Variants in DCC observed in about 807,000 individuals in gnomAD.
DCC encodes DCC netrin 1 receptor.
Under a neutral mutation model 172.5 loss-of-function variants are expected in DCC, and 58 were observed. The ratio of observed to expected loss-of-function variants is 0.34; its 90% CI spans 0.27 to 0.42. The LOEUF is 0.42. Among genes scored for constraint, DCC ranks in the 10% least tolerant of loss-of-function variants. DCC has a pLI of 1.00. For synonymous variants in DCC, 709 were observed against 644.5 expected (o/e 1.10, Z -1.52); for missense variants, 1,740 against 1,791.0 (o/e 0.97, Z 0.51).
At chr18:52,891,466 T>C (rs2039649537) in intron 2 of DCC, among the ~76,000 whole-genome samples, 1 of 152,116 alleles carries the variant, frequency 6.6e-6, no homozygotes, top group Non-Finnish European at 1.5e-5. Context: ...AATCACAAAG[T>C]AATGTATTTT....
rs117224655 is a variant in DCC at position 53,398,911 on chromosome 18, G to T, written c.2827+1465G>T. 2.8e-4 allele frequency among the ~76,000 whole-genome samples: 42 copies of T among 152,252 alleles called. No homozygotes were observed. In the East Asian group the frequency reaches 4.6e-3, roughly 17 times the overall value. On this transcript the variant is annotated intron_variant, in intron 18 of 28. Coordinates refer to ENST00000442544, the MANE Select transcript of DCC (RefSeq NM_005215.4). ...AGTAAGAAGTAATTCACAAGTGTCT[G>T]CAGGTTTATAACTGTGAGAAGGAAA... is the stretch of plus-strand genomic sequence containing the variant.
At position 53,450,601 on chromosome 18, in the gene DCC, G is replaced by T; in HGVS notation, c.3331G>T (p.Val1111Leu). The change falls in exon 23 of 29, where the codon GTG (valine) becomes TTG (leucine). Residue 1111 changes from valine to leucine, a missense_variant. Physicochemically the swap from Val to Leu is conservative, Grantham distance 32 (BLOSUM62 1). Around this residue, in one of 2 missense-constraint regions of DCC, gnomAD observed 1,732 missense variants for 1,767.4 expected, o/e 0.98. Transcript: ENST00000442544. ...IIVVTVGVIT[V>L]LVVVIVAVIC... ...TGTGGTCACCGTTGGTGTCATCACA[G>T]TGCTGGTAGTGGTCATCGTGGCTGT... 6.2e-7 allele frequency: 1 copy of T among 1,612,694 alleles called. No homozygotes were observed. The highest frequency in any genetic ancestry group is 8.5e-7 in the Non-Finnish European group (1 of 1,179,478).
At chr18:53,406,409 A>AAAAAAAG (rs113958073) in intron 19 of DCC, among the ~76,000 whole-genome samples, 62,965 of 149,964 alleles carry the variant, frequency 0.42, 14,887 homozygotes, top group Non-Finnish European at 0.55. Flanking sequence ...AGGTTTAAAA[A>AAAAAAAG]AAAAAGAGAA....
chr18:52,586,875 G>T (rs2033686332), intron 1 of DCC, among the ~76,000 whole-genome samples: 1 of 152,172 alleles, frequency 6.6e-6, no homozygotes, highest in African/African-American at 2.4e-5. Flanking sequence ...TCAGGATGAT[G>T]GGAAACATGG....
chr18:53,325,917 A>G (rs547039727), intron 14 of DCC, among the ~76,000 whole-genome samples: 1 of 152,328 alleles, frequency 6.6e-6, no homozygotes, highest in African/African-American at 2.4e-5. Flanking sequence ...TACAAACTTC[A>G]GAGAAAGGGG....
intron 7 of DCC, among the ~76,000 whole-genome samples, chr18:53,085,866 A>T (rs1180639900): frequency 1.3e-5 from 2 of 151,678 alleles, no homozygotes; most frequent in Non-Finnish European, 2.9e-5. Context: ...TGTGAAATGC[A>T]AACAGAATCA....
At chr18:52,588,928 C>T (rs79495543) in intron 1 of DCC, among the ~76,000 whole-genome samples, 10,678 of 151,794 alleles carry the variant, frequency 0.07, 446 homozygotes, top group Middle Eastern at 0.099. Flanking sequence ...TTATTGCTTA[C>T]GTAATTCCAG....
chr18:53,060,625 G>A (rs1409786059), intron 5 of DCC, among the ~76,000 whole-genome samples: 1 of 151,990 alleles, frequency 6.6e-6, no homozygotes, highest in Non-Finnish European at 1.5e-5. Flanking sequence ...ATAATAATAC[G>A]GCTAAATCAG....
chr18:53,198,882 G>A (rs2055490792), intron 9 of DCC, among the ~76,000 whole-genome samples: 1 of 152,112 alleles, frequency 6.6e-6, no homozygotes, highest in Non-Finnish European at 1.5e-5. Flanking sequence ...GGAGAAATTA[G>A]AAGCAGTTTG....
intron 5 of DCC, among the ~76,000 whole-genome samples, chr18:52,969,354 A>G (rs72926176): frequency 0.036 from 5,426 of 152,188 alleles, 137 homozygotes; most frequent in African/African-American, 0.055. Flanking sequence ...AATTCCTTAT[A>G]TTAGCAAATA....
At chr18:52,983,054 C>T (rs959209332) in intron 5 of DCC, among the ~76,000 whole-genome samples, 2 of 152,138 alleles carry the variant, frequency 1.3e-5, no homozygotes, top group Non-Finnish European at 2.9e-5. Flanking sequence ...TCCTTTTACT[C>T]TATAAAGTGT....
intron 2 of DCC, among the ~76,000 whole-genome samples, chr18:52,842,528 ACTCT>A (rs1274581427): frequency 1.3e-5 from 2 of 152,034 alleles, no homozygotes; most frequent in Non-Finnish European, 2.9e-5. Context: ...TCATCTGCTC[ACTCT>A]CTCCAATTCA....
At chr18:52,881,197 C>A (rs115786188) in intron 2 of DCC, among the ~76,000 whole-genome samples, 2,616 of 152,118 alleles carry the variant, frequency 0.017, 53 homozygotes, top group African/African-American at 0.046. Flanking sequence ...CATTTAAAAA[C>A]ATTGGATTAG....
intron 25 of DCC, among the ~76,000 whole-genome samples, chr18:53,481,238 C>T (rs1160028073): frequency 6.6e-6 from 1 of 152,158 alleles, no homozygotes; most frequent in East Asian, 1.9e-4. Flanking sequence ...ATGTGAACTC[C>T]ATGAAGTGGG....
chr18:52,434,997 C>G (rs1354803416), intron 1 of DCC, among the ~76,000 whole-genome samples: 2 of 152,220 alleles, frequency 1.3e-5, no homozygotes, highest in Non-Finnish European at 2.9e-5. Flanking sequence ...CTCACTAGGG[C>G]TAGGTGATTC....
intron 1 of DCC, among the ~76,000 whole-genome samples, chr18:52,483,478 C>T (rs1039032971): frequency 3.3e-5 from 5 of 151,926 alleles, no homozygotes; most frequent in African/African-American, 1.2e-4. Flanking sequence ...TCCAAAATGT[C>T]CTTATTTTAC....
At chr18:52,496,364 T>A (rs761001425) in intron 1 of DCC, among the ~76,000 whole-genome samples, 4 of 152,116 alleles carry the variant, frequency 2.6e-5, no homozygotes, top group Non-Finnish European at 5.9e-5. Flanking sequence ...AATGTAGAAA[T>A]ATGAAACATG....
intron 12 of DCC, among the ~76,000 whole-genome samples, chr18:53,285,321 T>G (rs1444395193): frequency 1.3e-5 from 2 of 152,160 alleles, no homozygotes; most frequent in African/African-American, 4.8e-5. Flanking sequence ...CTCTATTGTG[T>G]GCAGTCTAGG....
intron 5 of DCC, among the ~76,000 whole-genome samples, chr18:52,976,271 C>T (rs534989121): frequency 6.6e-6 from 1 of 152,102 alleles, no homozygotes; most frequent in African/African-American, 2.4e-5. Context: ...GCATCATTTG[C>T]ACAAGTTTTC....
Sources: allele counts gnomAD v4.1 joint callset (sites outside exome capture counted in the v4.1 genomes callset), GRCh38; gene constraint gnomAD v4.1.1; regional missense constraint gnomAD v4.1.1; transcripts MANE v1.5; gene names NCBI Gene and HGNC (gene_info 2026-07-23, HGNC 2026-07-21).